Variants in TNNI3K observed in about 807,000 individuals in gnomAD.
TNNI3K encodes TNNI3 interacting kinase, also known as serine/threonine-protein kinase TNNI3K.
A neutral mutation model predicts 114.5 loss-of-function variants in TNNI3K; 140 were observed. The ratio of observed to expected loss-of-function variants is 1.22; its 90% CI spans 1.07 to 1.41. The LOEUF is 1.41. Ranked by LOEUF, TNNI3K falls within the 40% of genes most tolerant of loss-of-function variation. The pLI is 0.00. For missense variants in TNNI3K, 1,125 were observed against 1,007.6 expected, an observed-to-expected ratio of 1.12 and a Z score of -1.58; for synonymous variants, 347 against 347.5, an observed-to-expected ratio of 1.00 and a Z score of 0.02.
intron 7 of TNNI3K, among the ~76,000 whole-genome samples, chr1:74,338,828 A>T (rs1450812742): frequency 6.6e-6 from 1 of 152,162 alleles, no homozygotes; most frequent in Non-Finnish European, 1.5e-5. Context: ...AGTATGCAGT[A>T]ACTCAGGCAG....
At chr1:74,254,805 G>A (rs950310582) in intron 4 of TNNI3K, among the ~76,000 whole-genome samples, 1 of 152,158 alleles carries the variant, frequency 6.6e-6, no homozygotes, top group Non-Finnish European at 1.5e-5. Context: ...AGTGGTGAAA[G>A]GACAGCTACT....
intron 17 of TNNI3K, among the ~76,000 whole-genome samples, chr1:74,425,237 G>T (rs9730623): frequency 0.084 from 12,799 of 152,106 alleles, 728 homozygotes; most frequent in African/African-American, 0.15. Context: ...TACTGGAAAG[G>T]TGAGTTTATT....
chr1:74,262,185 C>G (rs1218205904), intron 4 of TNNI3K, among the ~76,000 whole-genome samples: 5 of 152,104 alleles, frequency 3.3e-5, no homozygotes, highest in Admixed American at 6.6e-5. Context: ...CAAGGTTCAA[C>G]AGCCTTGGCA....
chr1:74,461,325 A>G (rs956836165), intron 20 of TNNI3K, among the ~76,000 whole-genome samples: 8 of 152,024 alleles, frequency 5.3e-5, no homozygotes, highest in African/African-American at 1.9e-4. Flanking sequence ...TAAAAATACA[A>G]AAAAATTAGC....
chr1:74,283,778 T>C (rs975476010), intron 5 of TNNI3K, among the ~76,000 whole-genome samples: 1 of 152,210 alleles, frequency 6.6e-6, no homozygotes, highest in African/African-American at 2.4e-5. Flanking sequence ...ATGTAGATAA[T>C]GTATATACAC....
At chr1:74,478,399 A>T (rs185109955) in intron 21 of TNNI3K, among the ~76,000 whole-genome samples, 1 of 152,316 alleles carries the variant, frequency 6.6e-6, no homozygotes, top group South Asian at 2.1e-4. Flanking sequence ...TAGAATTTGT[A>T]TTCATCTCAA....
At chr1:74,320,892 G>T (rs562848931) in intron 5 of TNNI3K, among the ~76,000 whole-genome samples, 4 of 152,264 alleles carry the variant, frequency 2.6e-5, no homozygotes, top group Admixed American at 2.6e-4. Context: ...GAGTAGGGGG[G>T]AGGAAAGTCA....
intron 21 of TNNI3K, among the ~76,000 whole-genome samples, chr1:74,465,709 C>T (rs752983279): frequency 3.3e-5 from 5 of 152,228 alleles, no homozygotes; most frequent in Non-Finnish European, 5.9e-5. Context: ...TAGGCAAAGC[C>T]AGCTGGGCTC....
intron 3 of TNNI3K, 54 bp from the exon 4 acceptor site, chr1:74,250,618 C>T (rs1236144975): frequency 1.9e-6 from 3 of 1,545,134 alleles, no homozygotes. Flanking sequence ...AAAAGAGTCT[C>T]AAACTCACCC....
rs143988499 is a variant in TNNI3K at position 74,417,768 on chromosome 1, G to T, written c.1773-18312G>T. 3.0e-3 allele frequency among the ~76,000 whole-genome samples: 448 copies of T among 151,146 alleles called. 4 individuals are homozygous for T. Among genetic ancestry groups the T allele is most frequent in the African/African-American group, 0.01 (414 of 41,130 alleles). On this transcript the variant is annotated intron_variant, in intron 17 of 24. Coordinates refer to ENST00000326637, the MANE Select transcript of TNNI3K (RefSeq NM_015978.3). ...AGAGAGAGAGATGAGAGAGAGAAAA[G>T]AATAAAAGGAAGGAAGTAAATATCT...
intron 11 of TNNI3K, among the ~76,000 whole-genome samples, chr1:74,357,308 G>A (rs1045273166): frequency 1.3e-5 from 2 of 152,144 alleles, no homozygotes; most frequent in Non-Finnish European, 2.9e-5. Flanking sequence ...AATCAAGGGT[G>A]TCTATTTGAA....
intron 20 of TNNI3K, among the ~76,000 whole-genome samples, chr1:74,451,707 C>CT (rs1413569399): frequency 6.2e-3 from 198 of 31,968 alleles, no homozygotes; most frequent in Non-Finnish European, 7.3e-3. Context: ...TTCTTTCTTT[C>CT]TTTCTTTCTT....
chr1:74,320,406 G>T (rs1354569755), intron 5 of TNNI3K, among the ~76,000 whole-genome samples: 1 of 152,144 alleles, frequency 6.6e-6, no homozygotes, highest in Non-Finnish European at 1.5e-5. Context: ...TAAAATTTTT[G>T]CAGACCAACA....
At chr1:74,250,524 T>G in intron 3 of TNNI3K, 148 bp from the exon 4 acceptor site, 1 of 581,318 alleles carries the variant, frequency 1.7e-6, no homozygotes. Flanking sequence ...AGTAAGGTTG[T>G]CAATTAATAG....
At chr1:74,357,187 A>G (rs930157476) in intron 11 of TNNI3K, among the ~76,000 whole-genome samples, 8 of 152,100 alleles carry the variant, frequency 5.3e-5, no homozygotes, top group African/African-American at 1.9e-4. Context: ...AGCAATTTGG[A>G]GGTAAAGCTG....
intron 17 of TNNI3K, among the ~76,000 whole-genome samples, chr1:74,383,478 CT>C (rs1207101240): frequency 6.6e-6 from 1 of 152,042 alleles, no homozygotes. Context: ...CTCCATAAAA[CT>C]TTCCTTCTAA....
At chr1:74,439,375 A>T in intron 19 of TNNI3K, 115 bp from the exon 20 acceptor site, 1 of 1,470,814 alleles carries the variant, frequency 6.8e-7, no homozygotes, top group Non-Finnish European at 9.1e-7. Context: ...ATTTATATTT[A>T]TGCCTTTTGA....
intron 11 of TNNI3K, among the ~76,000 whole-genome samples, chr1:74,358,003 A>G (rs1334655593): frequency 6.6e-6 from 1 of 152,166 alleles, no homozygotes; most frequent in African/African-American, 2.4e-5. Context: ...CATCCATTGC[A>G]TTAAAGATGA....
intron 5 of TNNI3K, among the ~76,000 whole-genome samples, chr1:74,328,872 C>T (rs1660053274): frequency 6.6e-6 from 1 of 152,120 alleles, no homozygotes; most frequent in African/African-American, 2.4e-5. Flanking sequence ...ATGCTGTCTA[C>T]TTTATGCTAT....
Sources: allele counts gnomAD v4.1 joint callset (sites outside exome capture counted in the v4.1 genomes callset), GRCh38; gene constraint gnomAD v4.1.1; transcripts MANE v1.5; gene names NCBI Gene and HGNC (gene_info 2026-07-23, HGNC 2026-07-21).